CDH12: variants seen among roughly 807,000 people sequenced by gnomAD.
CDH12 encodes the protein cadherin-12.
In CDH12, 41 loss-of-function variants were observed where a neutral mutation model predicts 74.1. That is an observed-to-expected ratio of 0.55 (90% CI 0.43 to 0.72). The LOEUF (loss-of-function observed/expected upper bound fraction) is 0.72. Among genes scored for constraint, CDH12 ranks in the 30% least tolerant of loss-of-function variants. CDH12 has a pLI of 0.00. For missense variants in CDH12, 945 were observed against 977.2 expected, an observed-to-expected ratio of 0.97 and a Z score of 0.44; for synonymous variants, 399 against 355.0, an observed-to-expected ratio of 1.12 and a Z score of -1.39.
At chr5:22,638,609 C>T (rs1352913055) in intron 1 of CDH12, 1 of 152,420 alleles carries the variant, frequency 6.6e-6, no homozygotes, top group Non-Finnish European at 1.5e-5. Flanking sequence ...ACAGACACCC[C>T]CAGGAACAAT....
At chr5:22,429,996 TC>T (rs939629383) in intron 2 of CDH12, among the ~76,000 whole-genome samples, 2 of 152,152 alleles carry the variant, frequency 1.3e-5, no homozygotes, top group Admixed American at 1.3e-4. Context: ...TCCATAATTA[TC>T]CCAGGGTAAT....
intron 8 of CDH12, among the ~76,000 whole-genome samples, chr5:21,818,414 G>A (rs772377393): frequency 3.3e-5 from 5 of 151,972 alleles, no homozygotes; most frequent in Non-Finnish European, 5.9e-5. Context: ...GATTCTGCCA[G>A]ATATTTTCTT....
At chr5:21,797,072 G>C (rs1746822158) in intron 10 of CDH12, among the ~76,000 whole-genome samples, 1 of 152,058 alleles carries the variant, frequency 6.6e-6, no homozygotes, top group Non-Finnish European at 1.5e-5. Flanking sequence ...CAAAGGGTGA[G>C]AGTAAGGAAC....
At chr5:22,637,835 G>C (rs1194618852) in intron 1 of CDH12, among the ~76,000 whole-genome samples, 1 of 152,146 alleles carries the variant, frequency 6.6e-6, no homozygotes, top group South Asian at 2.1e-4. Context: ...AGTTAGTAAT[G>C]TCTACTTATA....
chr5:21,974,244 A>T (rs1178536850), intron 6 of CDH12, among the ~76,000 whole-genome samples: 2 of 151,294 alleles, frequency 1.3e-5, no homozygotes, highest in Non-Finnish European at 3.0e-5. Context: ...CCTACATGTG[A>T]TAAGTTGCTT....
chr5:21,881,012 T>A (rs1235889982), intron 6 of CDH12, among the ~76,000 whole-genome samples: 2 of 152,140 alleles, frequency 1.3e-5, no homozygotes, highest in East Asian at 3.9e-4. Context: ...TAGCTACCCC[T>A]CGGGGAGAAT....
intron 1 of CDH12, among the ~76,000 whole-genome samples, chr5:22,784,438 C>T (rs1458314906): frequency 1.3e-5 from 2 of 152,112 alleles, no homozygotes; most frequent in African/African-American, 4.8e-5. Flanking sequence ...TTATATATTT[C>T]CTACCTTGGA....
At chr5:21,819,343 A>G (rs906591302) in intron 8 of CDH12, among the ~76,000 whole-genome samples, 3 of 152,050 alleles carry the variant, frequency 2.0e-5, no homozygotes, top group Admixed American at 2.0e-4. Flanking sequence ...TTACAGTTGT[A>G]CTAAACTTAA....
At chr5:22,548,120 T>A (rs1335047546) in intron 1 of CDH12, among the ~76,000 whole-genome samples, 1 of 152,238 alleles carries the variant, frequency 6.6e-6, no homozygotes, top group Non-Finnish European at 1.5e-5. Context: ...ACAGGTTCAT[T>A]TGTTATTTGC....
At chr5:22,535,030 T>C (rs1737768782) in intron 1 of CDH12, among the ~76,000 whole-genome samples, 1 of 149,164 alleles carries the variant, frequency 6.7e-6, no homozygotes, top group Non-Finnish European at 1.5e-5. Flanking sequence ...TGGAGTGCAG[T>C]GGCCCGTCTC....
intron 1 of CDH12, among the ~76,000 whole-genome samples, chr5:22,592,683 C>G (rs1561514523): frequency 6.7e-6 from 1 of 148,726 alleles, no homozygotes; most frequent in South Asian, 2.2e-4. Context: ...CCCTCCACCC[C>G]CCACCACCTC....
intron 6 of CDH12, among the ~76,000 whole-genome samples, chr5:21,926,477 C>T (rs1197741879): frequency 6.6e-6 from 1 of 152,184 alleles, no homozygotes; most frequent in Non-Finnish European, 1.5e-5. Flanking sequence ...CTACCTCTCT[C>T]TTGGTTTTAC....
chr5:22,516,782 G>C (rs115214203), intron 1 of CDH12, among the ~76,000 whole-genome samples: 2 of 151,922 alleles, frequency 1.3e-5, no homozygotes, highest in Non-Finnish European at 2.9e-5. Context: ...GGGACAGAGC[G>C]AGACCTTGTT....
At chr5:22,373,858 A>G (rs62348975) in intron 3 of CDH12, among the ~76,000 whole-genome samples, 2,663 of 152,358 alleles carry the variant, frequency 0.017, 35 homozygotes, top group Non-Finnish European at 0.028. Context: ...GCAGACATCA[A>G]TGTAAGGTCA....
intron 4 of CDH12, among the ~76,000 whole-genome samples, chr5:22,188,846 C>G (rs1374585209): frequency 6.6e-6 from 1 of 152,160 alleles, no homozygotes; most frequent in Non-Finnish European, 1.5e-5. Flanking sequence ...TGTGCTGCAT[C>G]AAGAGGCGAT....
chr5:22,535,481 C>G (rs1737805254), intron 1 of CDH12, among the ~76,000 whole-genome samples: 1 of 152,082 alleles, frequency 6.6e-6, no homozygotes, highest in African/African-American at 2.4e-5. Flanking sequence ...ATCTGTCATA[C>G]ATTTGATGCT....
chr5:21,799,644 C>T (rs1747002609), intron 10 of CDH12, among the ~76,000 whole-genome samples: 1 of 152,208 alleles, frequency 6.6e-6, no homozygotes, highest in Non-Finnish European at 1.5e-5. Context: ...TTCTTCAGCT[C>T]TGTTAAATAG....
intron 6 of CDH12, among the ~76,000 whole-genome samples, chr5:21,892,469 A>G (rs1354020099): frequency 1.3e-5 from 2 of 152,328 alleles, no homozygotes; most frequent in East Asian, 3.9e-4. Context: ...AGGTTCTGCC[A>G]TCACATGCAG....
intron 1 of CDH12, among the ~76,000 whole-genome samples, chr5:22,571,617 G>A (rs542971546): frequency 1.3e-5 from 2 of 152,306 alleles, no homozygotes; most frequent in African/African-American, 4.8e-5. Flanking sequence ...ATGAGCCAAC[G>A]TGCCCGGCAA....
Sources: gnomAD v4.1 joint callset for allele counts (sites outside exome capture counted in the v4.1 genomes callset) on GRCh38, gnomAD v4.1.1 for gene constraint, MANE v1.5 for transcripts, NCBI Gene and HGNC (gene_info 2026-07-23, HGNC 2026-07-21) for gene names.